Variants in SDK1 observed in about 807,000 individuals in gnomAD.
SDK1 encodes sidekick cell adhesion molecule 1, also known as protein sidekick-1.
A neutral mutation model predicts 245.5 loss-of-function variants in SDK1; 157 were observed. The observed-to-expected ratio is 0.64, with a 90% CI of 0.56 to 0.73. The LOEUF (loss-of-function observed/expected upper bound fraction) is 0.73. Ranked by LOEUF, SDK1 falls within the 30% of genes least tolerant of loss-of-function variation. The pLI is 0.00. For synonymous variants in SDK1, 1,647 were observed against 1,278.5 expected, an observed-to-expected ratio of 1.29 and a Z score of -6.15; for missense variants, 3,583 against 3,002.3, an observed-to-expected ratio of 1.19 and a Z score of -4.52.
chr7:4,245,905 A>G (rs764035665), intron 44 of SDK1, 100 bp downstream of exon 44: 14 of 1,420,282 alleles, frequency 9.9e-6, no homozygotes, highest in Middle Eastern at 1.8e-4. Context: ...TGAGTCTCAT[A>G]ACATCCCCAC....
chr7:4,011,580 G>A (rs1785970214), intron 15 of SDK1, among the ~76,000 whole-genome samples: 1 of 152,224 alleles, frequency 6.6e-6, no homozygotes, highest in South Asian at 2.1e-4. Flanking sequence ...GGCCACCTCT[G>A]AAAAATCTCA....
At chr7:3,408,997 GT>G (rs1472010510) in intron 1 of SDK1, among the ~76,000 whole-genome samples, 2 of 152,202 alleles carry the variant, frequency 1.3e-5, no homozygotes, top group Non-Finnish European at 2.9e-5. Flanking sequence ...CCTATTGACA[GT>G]TGGAGACACA....
chr7:4,216,020 G>C (rs1784775569), intron 38 of SDK1, among the ~76,000 whole-genome samples: 1 of 152,146 alleles, frequency 6.6e-6, no homozygotes, highest in Admixed American at 6.5e-5. Flanking sequence ...CTTCCTCCCA[G>C]CTGACTCTGC....
intron 1 of SDK1, among the ~76,000 whole-genome samples, chr7:3,458,014 C>A (rs1238407581): frequency 5.3e-5 from 8 of 152,274 alleles, no homozygotes; most frequent in African/African-American, 1.7e-4. Context: ...TTATATTGCC[C>A]TTTGCCTTAT....
At chr7:3,558,196 G>A (rs898750363) in intron 1 of SDK1, among the ~76,000 whole-genome samples, 13 of 152,328 alleles carry the variant, frequency 8.5e-5, no homozygotes, top group African/African-American at 2.9e-4. Context: ...CTTTTCATAT[G>A]TTCAAAGAAA....
At chr7:3,503,455 G>A (rs944280739) in intron 1 of SDK1, among the ~76,000 whole-genome samples, 3 of 152,134 alleles carry the variant, frequency 2.0e-5, no homozygotes, top group Non-Finnish European at 4.4e-5. Context: ...CAAGCAGGAG[G>A]ATTGCTTGAG....
chr7:3,380,911 T>A (rs529155102), intron 1 of SDK1, among the ~76,000 whole-genome samples: 71 of 152,326 alleles, frequency 4.7e-4, no homozygotes, highest in Non-Finnish European at 6.3e-4. Flanking sequence ...AAAGCCGTCT[T>A]TAGCTGCAAG....
chr7:3,586,093 G>A (rs1305342413), intron 1 of SDK1, among the ~76,000 whole-genome samples: 1 of 152,142 alleles, frequency 6.6e-6, no homozygotes, highest in Non-Finnish European at 1.5e-5. Context: ...GCCCAGGAGA[G>A]AAGCAGGGAG....
intron 1 of SDK1, among the ~76,000 whole-genome samples, chr7:3,577,376 C>T (rs980482475): frequency 3.9e-5 from 6 of 152,140 alleles, no homozygotes; most frequent in Admixed American, 1.3e-4. Context: ...ACGGCCTGAG[C>T]GTCATAGCAT....
intron 4 of SDK1, among the ~76,000 whole-genome samples, chr7:3,677,661 A>C (rs939217664): frequency 6.6e-6 from 1 of 152,252 alleles, no homozygotes; most frequent in South Asian, 2.1e-4. Flanking sequence ...AACCATATCA[A>C]TTGTTAAATG....
intron 4 of SDK1, among the ~76,000 whole-genome samples, chr7:3,782,572 G>A (rs972652623): frequency 1.3e-5 from 2 of 152,140 alleles, no homozygotes; most frequent in Non-Finnish European, 2.9e-5. Context: ...CAAGAGATAA[G>A]AAACACTTCG....
At chr7:3,358,264 T>A (rs1780860248) in intron 1 of SDK1, among the ~76,000 whole-genome samples, 1 of 152,106 alleles carries the variant, frequency 6.6e-6, no homozygotes, top group African/African-American at 2.4e-5. Context: ...TCAAGTGATC[T>A]GCCCGTCTCA....
At chr7:3,552,239 G>A (rs1003144484) in intron 1 of SDK1, among the ~76,000 whole-genome samples, 3 of 152,160 alleles carry the variant, frequency 2.0e-5, no homozygotes, top group African/African-American at 7.2e-5. Context: ...GGGTTTCACT[G>A]TATTAGCAAG....
intron 4 of SDK1, among the ~76,000 whole-genome samples, chr7:3,741,646 G>T (rs538953194): frequency 1.3e-5 from 2 of 152,112 alleles, no homozygotes; most frequent in African/African-American, 2.4e-5. Flanking sequence ...TTTAAGCTAG[G>T]AGTGTATCAT....
chr7:3,620,573 G>A (rs1352293917), intron 2 of SDK1, among the ~76,000 whole-genome samples: 1 of 152,176 alleles, frequency 6.6e-6, no homozygotes, highest in Admixed American at 6.5e-5. Flanking sequence ...AGATTGCTGG[G>A]ATTACAGGTG....
intron 4 of SDK1, among the ~76,000 whole-genome samples, chr7:3,727,564 C>T (rs1433698852): frequency 6.6e-6 from 1 of 152,142 alleles, no homozygotes; most frequent in Non-Finnish European, 1.5e-5. Context: ...CATCTTGGCT[C>T]ATGGCAACCT....
At position 3,591,268 on chromosome 7, in the gene SDK1, C is replaced by G. The variant is rs1219969566; in HGVS notation, c.299-27812C>G. ...TTTTTCCTTTTGCAGTGTCATAATA[C>G]TGAGTGCCAGGACCTAAGTTTTTGA... On this transcript the variant is annotated intron_variant, in intron 1 of 44. Transcript: ENST00000404826. Among the ~76,000 whole-genome samples the G allele has an allele frequency of 2.6e-5, 4 of 152,224 alleles. No homozygotes were observed. In the South Asian group the frequency reaches 6.2e-4, roughly 24 times the overall value.
chr7:3,806,028 A>T (rs1779234176), intron 4 of SDK1, among the ~76,000 whole-genome samples: 1 of 152,130 alleles, frequency 6.6e-6, no homozygotes, highest in Admixed American at 6.5e-5. Flanking sequence ...TGCTACCACA[A>T]ACTGCATGAT....
chr7:4,161,242 A>G (rs761162416), intron 31 of SDK1, among the ~76,000 whole-genome samples: 7 of 152,132 alleles, frequency 4.6e-5, no homozygotes, highest in Non-Finnish European at 7.4e-5. Flanking sequence ...GTCCCTCCAG[A>G]GAGCAGAGCA....
Sources: gnomAD v4.1 joint callset for allele counts (sites outside exome capture counted in the v4.1 genomes callset) on GRCh38, gnomAD v4.1.1 for gene constraint, MANE v1.5 for transcripts, NCBI Gene and HGNC (gene_info 2026-07-23, HGNC 2026-07-21) for gene names.